The following PDS5B variants were observed in gnomAD, a reference collection of about 807,000 sequenced individuals.
The protein encoded by PDS5B is sister chromatid cohesion protein PDS5 homolog B.
Under a neutral mutation model 184.1 loss-of-function variants are expected in PDS5B, and 51 were observed. That is an observed-to-expected ratio of 0.28 (90% CI 0.22 to 0.35). The LOEUF is 0.35. Among genes scored for constraint, PDS5B ranks in the 10% least tolerant of loss-of-function variants. The pLI is 1.00. For synonymous variants in PDS5B, 566 were observed against 569.2 expected (o/e 0.99, Z 0.08); for missense variants, 1,180 against 1,723.3 (o/e 0.68, Z 5.58).
At chr13:32,635,170 GTTTTTTTTTTTTTTTTTTTTTT>G (rs71071054) in intron 1 of PDS5B, among the ~76,000 whole-genome samples, 96 of 81,108 alleles carry the variant, frequency 1.2e-3, no homozygotes, top group African/African-American at 3.2e-3. Context: ...AGCCAATTAC[GTTTTTTTTTTTTTTTTTTTTTT>G]TTTTTTTTTT....
intron 19 of PDS5B, 91 bp from the exon 20 acceptor site, chr13:32,732,010 T>C: frequency 9.2e-7 from 1 of 1,085,488 alleles, no homozygotes; most frequent in Non-Finnish European, 1.3e-6. Flanking sequence ...ACCTTGTAAA[T>C]CATTACTTAA....
intron 15 of PDS5B, among the ~76,000 whole-genome samples, chr13:32,697,778 A>G (rs575775627): frequency 6.6e-6 from 1 of 152,278 alleles, no homozygotes; most frequent in African/African-American, 2.4e-5. Flanking sequence ...TGGCACAATC[A>G]TAACTCAAAG....
At chr13:32,685,323 A>G (rs897645192) in intron 11 of PDS5B, among the ~76,000 whole-genome samples, 4 of 152,240 alleles carry the variant, frequency 2.6e-5, no homozygotes, top group African/African-American at 9.6e-5. Flanking sequence ...GAAAAGGGCC[A>G]AAAGGCATGA....
intron 1 of PDS5B, among the ~76,000 whole-genome samples, chr13:32,609,377 C>T (rs1375495933): frequency 6.6e-6 from 1 of 151,798 alleles, no homozygotes; most frequent in Non-Finnish European, 1.5e-5. Context: ...GAGGAAAATA[C>T]TTATTAGAGT....
chr13:32,774,907 G>C lies in PDS5B; in HGVS notation c.4309-110G>C, dbSNP rs1422669259. 3 of 1,082,622 alleles carry C rather than the reference G, an allele frequency of 2.8e-6. No homozygotes were observed. The East Asian group carries it at 7.3e-5, about 27-fold the overall frequency. The allele number at this position is 1,082,622 out of a possible 1,614,324, so 67.1% of individuals were successfully genotyped here. ...GATAAAAAGTTTCAGGGAAAGGAAA[G>C]CAAAGAAAATCAGGAACAAATGAGA... On this transcript the variant is annotated intron_variant, in intron 34 of 34. Transcript: ENST00000315596.
rs754134466 is a variant in PDS5B, at chr13:32,639,080, G to A, written c.-19-9674G>A. Among the ~76,000 whole-genome samples, 70 of 133,290 alleles carry A rather than the reference G, an allele frequency of 5.3e-4. 1 individual carries two copies. The highest frequency in any genetic ancestry group is 0.011 in the Middle Eastern group (2 of 190). 87.4% of individuals were successfully genotyped at this position (133,290 alleles called of 152,430 possible). On this transcript the variant is annotated intron_variant, in intron 1 of 34. Transcript: ENST00000315596. ...AATGGGATATCGAGTTGACTACTGA[G>A]CAGAGAAATACTAATCACTCAATAA...
At chr13:32,765,757 G>A (rs1954564919) in intron 31 of PDS5B, among the ~76,000 whole-genome samples, 1 of 152,138 alleles carries the variant, frequency 6.6e-6, no homozygotes, top group Non-Finnish European at 1.5e-5. Flanking sequence ...GCATGTGCCA[G>A]CATGCGTAGC....
At chr13:32,670,660 T>C (rs1477794914) in intron 7 of PDS5B, among the ~76,000 whole-genome samples, 1 of 152,192 alleles carries the variant, frequency 6.6e-6, no homozygotes, top group Non-Finnish European at 1.5e-5. Context: ...TCTAAAAATT[T>C]CCTACACGCA....
In PDS5B at chr13:32,666,237, C is replaced by T. The variant is rs910989581; in HGVS notation, c.625-1527C>T. 2.6e-5 allele frequency among the ~76,000 whole-genome samples: 4 copies of T among 152,060 alleles called. No individual in the cohort carries two copies. In the East Asian group the frequency reaches 5.8e-4, roughly 22 times the overall value. On this transcript the variant is annotated intron_variant, in intron 6 of 34. Transcript: ENST00000315596. Reference sequence around the variant, plus strand: ...CTGGGAGTATAGGCATCCGCCACCACGCCCGGCTGATTTTATTTTTATTGG... The same window carrying T: ...CTGGGAGTATAGGCATCCGCCACCATGCCCGGCTGATTTTATTTTTATTGG...
intron 1 of PDS5B, among the ~76,000 whole-genome samples, chr13:32,622,446 G>A (rs1209331549): frequency 6.6e-6 from 1 of 152,068 alleles, no homozygotes. Flanking sequence ...TGAGACATGG[G>A]TTAAGTACCA....
At chr13:32,728,619 C>G (rs1952992979) in intron 19 of PDS5B, among the ~76,000 whole-genome samples, 1 of 152,148 alleles carries the variant, frequency 6.6e-6, no homozygotes, top group Non-Finnish European at 1.5e-5. Flanking sequence ...TTATCTCCCT[C>G]AACCCAGGCT....
rs1304399997 is a variant in PDS5B, at chr13:32,776,076, G to A, written c.*1024G>A. ...AGAAAGAAAAAATTTTATTGATGCA[G>A]TGTGTCTTTATAAAGCTGTTCTTGA... On this transcript the variant is annotated 3_prime_UTR_variant, in exon 35 of 35. Transcript: ENST00000315596. The A allele has an allele frequency of 1.9e-5, 3 of 154,968 alleles. No individual in the cohort carries two copies. The highest frequency in any genetic ancestry group is 7.2e-5 in the African/African-American group (3 of 41,436). 9.6% of individuals were successfully genotyped at this position (154,968 alleles called of 1,614,324 possible).
chr13:32,747,240 A>G (rs1334373851), intron 24 of PDS5B, among the ~76,000 whole-genome samples: 2 of 152,180 alleles, frequency 1.3e-5, no homozygotes. Context: ...TTCATTAATA[A>G]TTTCGTTATT....
At chr13:32,683,214 C>G (rs900179309) in intron 10 of PDS5B, among the ~76,000 whole-genome samples, 1 of 151,796 alleles carries the variant, frequency 6.6e-6, no homozygotes, top group African/African-American at 2.4e-5. Context: ...GAGGTTTCAC[C>G]GTGTTGGCCA....
At chr13:32,652,191 TGAG>T in intron 3 of PDS5B, 184 bp downstream of exon 3, 1 of 551,758 alleles carries the variant, frequency 1.8e-6, no homozygotes, top group Non-Finnish European at 3.2e-6. Flanking sequence ...TTTCTGGTCT[TGAG>T]GTTAAGAAGT....
intron 10 of PDS5B, among the ~76,000 whole-genome samples, chr13:32,680,999 A>G (rs947538955): frequency 1.3e-5 from 2 of 152,144 alleles, no homozygotes; most frequent in African/African-American, 4.8e-5. Context: ...ATTTGCTGTC[A>G]TGTTAGGTTA....
chr13:32,599,652 T>G (rs937514687), intron 1 of PDS5B, among the ~76,000 whole-genome samples: 1 of 150,574 alleles, frequency 6.6e-6, no homozygotes, highest in South Asian at 2.2e-4. Flanking sequence ...CGGTGACTCA[T>G]GCCTGTAATC....
intron 10 of PDS5B, among the ~76,000 whole-genome samples, chr13:32,682,527 T>C (rs1321627439): frequency 6.6e-6 from 1 of 152,236 alleles, no homozygotes; most frequent in Admixed American, 6.5e-5. Flanking sequence ...TACCCACTTC[T>C]TTTGATGGTT....
chr13:32,590,997 A>C (rs1323155677), intron 1 of PDS5B, among the ~76,000 whole-genome samples: 2 of 151,988 alleles, frequency 1.3e-5, no homozygotes, highest in Non-Finnish European at 2.9e-5. Context: ...AGAGTAAAAA[A>C]TGTTACTTTT....
Sources: gnomAD v4.1 joint callset for allele counts (sites outside exome capture counted in the v4.1 genomes callset) on GRCh38, gnomAD v4.1.1 for gene constraint, MANE v1.5 for transcripts, NCBI Gene and HGNC (gene_info 2026-07-23, HGNC 2026-07-21) for gene names.